PRKCE: variants seen among roughly 807,000 people sequenced by gnomAD.
PRKCE encodes the protein protein kinase C epsilon.
In PRKCE, 16 loss-of-function variants were observed where a neutral mutation model predicts 85.4. That is an observed-to-expected ratio of 0.19 (90% CI 0.13 to 0.28). The LOEUF (loss-of-function observed/expected upper bound fraction) is 0.28, where lower values mean the gene tolerates loss of function less well. Among genes scored for constraint, PRKCE ranks in the 10% least tolerant of loss-of-function variants. The probability of loss-of-function intolerance (pLI) is 1.00; values close to 1 mark genes in which losing one functional copy is unlikely to be tolerated. For synonymous variants in PRKCE, 388 were observed against 371.5 expected, an observed-to-expected ratio of 1.04 and a Z score of -0.51; for missense variants, 573 against 975.2, an observed-to-expected ratio of 0.59 and a Z score of 5.49.
rs78613186 is a variant in PRKCE, at chr2:46,007,677, G to A, written c.1263+16G>A. 1,040 of 1,597,802 alleles carry A rather than the reference G, an allele frequency of 6.5e-4. 5 individuals are homozygous for A. In the African/African-American group the frequency reaches 0.012, roughly 18 times the overall value. ...CTTTGGCAAGGTCTGTGGCACACAC[G>A]GGTGGAACTGCTGGTTTTGTTCTAC... On this transcript the variant is annotated intron_variant, in intron 9 of 14. Coordinates refer to ENST00000306156, the MANE Select transcript of PRKCE (RefSeq NM_005400.3).
At chr2:46,032,307 C>T (rs1177878523) in intron 10 of PRKCE, among the ~76,000 whole-genome samples, 2 of 152,036 alleles carry the variant, frequency 1.3e-5, no homozygotes, top group Non-Finnish European at 2.9e-5. Flanking sequence ...TCCAGAACCA[C>T]GCCTGTGCCC....
At chr2:46,056,241 CTT>C (rs796683208) in intron 10 of PRKCE, among the ~76,000 whole-genome samples, 5 of 144,044 alleles carry the variant, frequency 3.5e-5, no homozygotes, top group South Asian at 2.2e-4. Context: ...GTTCTTGAAC[CTT>C]TTTTTTTTTT....
At chr2:45,779,945 A>G (rs1214791361) in intron 1 of PRKCE, among the ~76,000 whole-genome samples, 3 of 152,212 alleles carry the variant, frequency 2.0e-5, no homozygotes, top group Non-Finnish European at 4.4e-5. Context: ...ACATTTATCA[A>G]TACATAATCA....
intron 1 of PRKCE, among the ~76,000 whole-genome samples, chr2:45,766,239 C>T (rs755670350): frequency 1.1e-4 from 17 of 152,094 alleles, no homozygotes; most frequent in Non-Finnish European, 1.6e-4. Context: ...GCAAGATAAT[C>T]GACTGGGAGA....
chr2:46,148,191 A>G (rs1676268708), intron 12 of PRKCE, among the ~76,000 whole-genome samples: 2 of 152,208 alleles, frequency 1.3e-5, no homozygotes, highest in African/African-American at 4.8e-5. Flanking sequence ...GCCTTTGGTA[A>G]TAGCATCATC....
intron 1 of PRKCE, among the ~76,000 whole-genome samples, chr2:45,784,118 G>A (rs1028429612): frequency 2.0e-5 from 3 of 152,264 alleles, no homozygotes; most frequent in Non-Finnish European, 4.4e-5. Context: ...AATGAAGTGT[G>A]CTCATATTAA....
intron 2 of PRKCE, among the ~76,000 whole-genome samples, chr2:45,904,417 C>G (rs573057109): frequency 9.9e-5 from 15 of 152,074 alleles, no homozygotes; most frequent in Non-Finnish European, 1.8e-4. Context: ...AACAGTACCA[C>G]CTCTCACTTT....
intron 1 of PRKCE, among the ~76,000 whole-genome samples, chr2:45,728,520 G>A (rs1360671313): frequency 6.6e-6 from 1 of 152,110 alleles, no homozygotes; most frequent in Admixed American, 6.5e-5. Context: ...TGGTGCAAGT[G>A]CTATTGGGTG....
intron 1 of PRKCE, among the ~76,000 whole-genome samples, chr2:45,692,633 A>C (rs928685975): frequency 6.6e-6 from 1 of 152,098 alleles, no homozygotes; most frequent in Non-Finnish European, 1.5e-5. Context: ...CAATTCAGTG[A>C]GGGAGACTGA....
chr2:45,843,056 G>C lies in PRKCE; in HGVS notation c.405G>C (p.Ser135=). ...TGATCATCGATCTCTCAGGGTCGTC[G>C]GGTGAAGGTAGGAGAGCGTGACTTC... is the stretch of plus-strand genomic sequence containing the variant. ...VYVIIDLSGS[S]GEAPKDNEER... is the part of the protein sequence containing the mutation. The change falls in exon 2 of 15, where the codon TCG becomes TCC. Residue 135 remains serine (S), a synonymous_variant. Coordinates refer to ENST00000306156, the MANE Select transcript of PRKCE (RefSeq NM_005400.3). 6.2e-7 allele frequency: 1 copy of C among 1,614,072 alleles called. No homozygotes were observed. Among genetic ancestry groups the C allele is most frequent in the South Asian group, 1.1e-5 (1 of 91,084 alleles).
intron 14 of PRKCE, among the ~76,000 whole-genome samples, chr2:46,176,610 A>G (rs547474812): frequency 4.1e-4 from 62 of 152,338 alleles, no homozygotes; most frequent in Non-Finnish European, 2.4e-4. Flanking sequence ...CTTCATTTCC[A>G]GCAGAGAAAT....
intron 1 of PRKCE, among the ~76,000 whole-genome samples, chr2:45,661,533 T>G (rs868725119): frequency 0.023 from 2,935 of 127,538 alleles, 153 homozygotes; most frequent in African/African-American, 0.086. Flanking sequence ...GTTTTTTGTT[T>G]TTTTTTTTTT....
At chr2:45,979,738 G>A (rs1702732933) in intron 4 of PRKCE, among the ~76,000 whole-genome samples, 1 of 152,092 alleles carries the variant, frequency 6.6e-6, no homozygotes, top group Non-Finnish European at 1.5e-5. Context: ...TACCTTTTCA[G>A]CCACCTACTG....
chr2:45,751,538 G>A (rs1558631906), intron 1 of PRKCE, among the ~76,000 whole-genome samples: 2 of 151,950 alleles, frequency 1.3e-5, no homozygotes. Context: ...TATAACTCTT[G>A]TTTCTCTAAT....
intron 1 of PRKCE, among the ~76,000 whole-genome samples, chr2:45,787,779 T>A (rs929964498): frequency 6.6e-6 from 1 of 152,212 alleles, no homozygotes; most frequent in Non-Finnish European, 1.5e-5. Context: ...GATTTTTGCA[T>A]CTAAAGAAAG....
rs1357737475 is a variant in PRKCE, at chr2:45,901,478, G to A, written c.412+58415G>A. On this transcript the variant is annotated intron_variant, in intron 2 of 14. Coordinates refer to ENST00000306156, the MANE Select transcript of PRKCE (RefSeq NM_005400.3). ...GACTTGTGCCTTTTAGAAAAGAACC[G>A]ATTTACAAAAATCAACGTATGGCTG... Among the ~76,000 whole-genome samples the A allele has an allele frequency of 2.6e-5, 4 of 152,250 alleles. 1 individual carries two copies. Among genetic ancestry groups the A allele is most frequent in the Non-Finnish European group, 5.9e-5 (4 of 68,014 alleles).
chr2:45,926,816 A>G (rs1698656179), intron 2 of PRKCE, among the ~76,000 whole-genome samples: 1 of 152,240 alleles, frequency 6.6e-6, no homozygotes, highest in African/African-American at 2.4e-5. Context: ...AGTAGGACAC[A>G]GGATAGTAGA....
chr2:46,091,841 AT>A (rs1670199933), intron 11 of PRKCE, among the ~76,000 whole-genome samples: 1 of 152,268 alleles, frequency 6.6e-6, no homozygotes, highest in African/African-American at 2.4e-5. Flanking sequence ...TCCAAAAGGA[AT>A]GCCTGAAATC....
rs1471117022 is a variant in PRKCE at position 46,156,033 on chromosome 2, A to G, written c.1921-3573A>G. Among the ~76,000 whole-genome samples, 7 of 147,518 alleles carry G rather than the reference A, an allele frequency of 4.7e-5. No homozygotes were observed. In the Admixed American group the frequency reaches 4.9e-4, roughly 10 times the overall value. ...AAAAAAAAAAACTTCATGTACAAAA[A>G]AAAATAATAAAATGTTTGTTACGTG... On this transcript the variant is annotated intron_variant, in intron 13 of 14. Transcript: ENST00000306156.
Sources: allele counts gnomAD v4.1 joint callset (sites outside exome capture counted in the v4.1 genomes callset), GRCh38; gene constraint gnomAD v4.1.1; transcripts MANE v1.5; gene names NCBI Gene and HGNC (gene_info 2026-07-23, HGNC 2026-07-21).